The following NF1 variants were observed in gnomAD, a reference collection of about 807,000 sequenced individuals.
NF1 encodes the protein neurofibromin.
In NF1, 122 loss-of-function variants were observed where a neutral mutation model predicts 325.7. The observed-to-expected ratio is 0.37, with a 90% CI of 0.32 to 0.44. The LOEUF (loss-of-function observed/expected upper bound fraction) is 0.44, where lower values mean the gene tolerates loss of function less well. Ranked by LOEUF, NF1 falls within the 20% of genes least tolerant of loss-of-function variation. The pLI, the probability that NF1 is intolerant of heterozygous loss-of-function variation, is 1.00. For synonymous variants in NF1, 1,091 were observed against 1,186.0 expected (o/e 0.92, Z 1.65); for missense variants, 2,140 against 3,415.4 (o/e 0.63, Z 9.31).
intron 39 of NF1, among the ~76,000 whole-genome samples, chr17:31,332,304 A>G (rs974571224): frequency 2.6e-5 from 4 of 151,826 alleles, no homozygotes; most frequent in Non-Finnish European, 5.9e-5. Flanking sequence ...TCTCTACTAA[A>G]AATACAAAAA....
chr17:31,270,128 C>T (rs1235738480), intron 36 of NF1, among the ~76,000 whole-genome samples: 4 of 152,194 alleles, frequency 2.6e-5, no homozygotes, highest in South Asian at 2.1e-4. Flanking sequence ...TGTGTGTGTG[C>T]ACCTGCACAT....
At chr17:31,193,462 C>T (rs545228604) in intron 8 of NF1, among the ~76,000 whole-genome samples, 19 of 152,126 alleles carry the variant, frequency 1.2e-4, no homozygotes, top group Non-Finnish European at 2.4e-4. Flanking sequence ...CATGCACCAC[C>T]GCACCCAGCT....
At position 31,200,504 on chromosome 17, in the gene NF1, G is replaced by C. The variant is rs778890596; in HGVS notation, c.971G>C (p.Cys324Ser). 1 of 1,614,176 alleles carries C rather than the reference G, an allele frequency of 6.2e-7. No individual in the cohort carries two copies. Among genetic ancestry groups the C allele is most frequent in the East Asian group, 2.2e-5 (1 of 44,864 alleles). ...RQLTESAAIA[C>S]VKLCKASTYI... ...CTGACAGAAAGTGCTGCAATTGCCT[G>C]TGTCAAACTGTGTAAAGCAAGTACT... Residue 324 changes from cysteine to serine, a missense_variant, in exon 9 of 58, where the codon TGT becomes TCT. Coordinates refer to ENST00000358273, the MANE Select transcript of NF1 (RefSeq NM_001042492.3).
intron 1 of NF1, among the ~76,000 whole-genome samples, chr17:31,099,559 T>C (rs925114270): frequency 2.9e-4 from 11 of 37,644 alleles, no homozygotes; most frequent in Non-Finnish European, 1.7e-3. Flanking sequence ...GGTGTGTAGC[T>C]TTTTTTTTTT....
At chr17:31,294,895 A>G in intron 36 of NF1, 1 of 1,386,166 alleles carries the variant, frequency 7.2e-7, no homozygotes, top group Non-Finnish European at 1.0e-6. Context: ...AAATGTTAAG[A>G]CTGGCTTTCT....
intron 54 of NF1, 61 bp downstream of exon 54, chr17:31,357,430 C>G (rs1448280651): frequency 3.8e-6 from 5 of 1,320,030 alleles, no homozygotes; most frequent in Non-Finnish European, 5.5e-6. Flanking sequence ...AAATGCTTAC[C>G]CAGTAATGTG....
chr17:31,130,838 C>T (rs1274502714), intron 1 of NF1, among the ~76,000 whole-genome samples: 2 of 152,132 alleles, frequency 1.3e-5, no homozygotes, highest in African/African-American at 4.8e-5. Context: ...TGGCCATGGG[C>T]GAGTGCCTGC....
intron 36 of NF1, chr17:31,296,283 A>C: frequency 6.2e-7 from 1 of 1,614,094 alleles, no homozygotes; most frequent in South Asian, 1.1e-5. Context: ...GGTGTGAGAA[A>C]CAGAAGGATG....
chr17:31,305,092 G>A (rs1454567034), intron 36 of NF1: 1 of 1,614,064 alleles, frequency 6.2e-7, no homozygotes. Flanking sequence ...ATTTTTGACA[G>A]TTGATGTTGG....
intron 57 of NF1, chr17:31,367,336 G>A: frequency 8.8e-7 from 1 of 1,130,850 alleles, no homozygotes. Context: ...CACTCATCCT[G>A]GGCACATAGC....
chr17:31,332,277 A>C (rs1006559222), intron 39 of NF1, among the ~76,000 whole-genome samples: 1 of 152,094 alleles, frequency 6.6e-6, no homozygotes, highest in African/African-American at 2.4e-5. Context: ...CAGCCTGGCC[A>C]ATATGGTGAA....
At chr17:31,101,061 C>T (rs1309470803) in intron 1 of NF1, among the ~76,000 whole-genome samples, 6 of 152,044 alleles carry the variant, frequency 3.9e-5, no homozygotes, top group African/African-American at 1.5e-4. Flanking sequence ...TCTCTGTGGA[C>T]CAGTCTTTTT....
chr17:31,237,795 A>G (rs2067229033), intron 29 of NF1, among the ~76,000 whole-genome samples: 1 of 152,044 alleles, frequency 6.6e-6, no homozygotes, highest in Non-Finnish European at 1.5e-5. Flanking sequence ...TTACTTAGAG[A>G]GTGAACCAGC....
At chr17:31,330,841 T>C (rs2069466983) in intron 39 of NF1, 1 of 217,124 alleles carries the variant, frequency 4.6e-6, no homozygotes. Context: ...TAAGTATCCA[T>C]GTTGCCTCCT....
chr17:31,173,712 A>G (rs1192369914), intron 5 of NF1, among the ~76,000 whole-genome samples: 1 of 152,232 alleles, frequency 6.6e-6, no homozygotes, highest in Non-Finnish European at 1.5e-5. Flanking sequence ...AGAAAAGGGA[A>G]GGAAAGGTTG....
At chr17:31,111,847 T>C (rs1913444937) in intron 1 of NF1, among the ~76,000 whole-genome samples, 1 of 152,116 alleles carries the variant, frequency 6.6e-6, no homozygotes, top group Non-Finnish European at 1.5e-5. Flanking sequence ...TGTGAGTAAA[T>C]AGACAAGACC....
At chr17:31,361,763 A>T (rs1381730628) in intron 57 of NF1, among the ~76,000 whole-genome samples, 1 of 152,250 alleles carries the variant, frequency 6.6e-6, no homozygotes, top group African/African-American at 2.4e-5. Flanking sequence ...TTGCATGAAC[A>T]TTTCAACTTA....
chr17:31,152,460 T>C (rs1425825530), intron 1 of NF1, among the ~76,000 whole-genome samples: 8 of 150,432 alleles, frequency 5.3e-5, no homozygotes, highest in African/African-American at 2.0e-4. Flanking sequence ...CTTCTTTTTC[T>C]ATCTTTTTTT....
chr17:31,232,936 T>C, intron 26 of NF1, 55 bp downstream of exon 26: 3 of 1,613,664 alleles, frequency 1.9e-6, no homozygotes. Context: ...AACTGGCATG[T>C]AAGAGAAGCA....
Sources: gnomAD v4.1 joint callset for allele counts (sites outside exome capture counted in the v4.1 genomes callset) on GRCh38, gnomAD v4.1.1 for gene constraint, MANE v1.5 for transcripts, NCBI Gene and HGNC (gene_info 2026-07-23, HGNC 2026-07-21) for gene names.